Variants in MICU2 observed in about 807,000 individuals in gnomAD.
The protein encoded by MICU2 is calcium uptake protein 2, mitochondrial.
Under a neutral mutation model 60.4 loss-of-function variants are expected in MICU2, and 64 were observed. That is an observed-to-expected ratio of 1.06 (90% confidence interval 0.87 to 1.31). MICU2 has a LOEUF of 1.31. Among genes scored for constraint, MICU2 ranks in the 50% most tolerant of loss-of-function variants. The pLI, the probability that MICU2 is intolerant of heterozygous loss-of-function variation, is 0.00. For synonymous variants in MICU2, 201 were observed against 175.0 expected (o/e 1.15, Z -1.17); for missense variants, 569 against 531.0 (o/e 1.07, Z -0.70).
At chr13:21,551,027 C>G (rs1325053545) in intron 2 of MICU2, among the ~76,000 whole-genome samples, 1 of 152,214 alleles carries the variant, frequency 6.6e-6, no homozygotes, top group Non-Finnish European at 1.5e-5. Context: ...GCCCTACAAT[C>G]TTTTGAATCT....
intron 2 of MICU2, among the ~76,000 whole-genome samples, chr13:21,540,200 T>G (rs1256264881): frequency 6.6e-6 from 1 of 152,182 alleles, no homozygotes; most frequent in African/African-American, 2.4e-5. Flanking sequence ...AATTTCCTAC[T>G]GGATAACAGA....
chr13:21,516,309 G>A (rs1365596623), intron 6 of MICU2, among the ~76,000 whole-genome samples: 1 of 152,012 alleles, frequency 6.6e-6, no homozygotes, highest in African/African-American at 2.4e-5. Context: ...TCAAATAAAT[G>A]AAATTAACTA....
intron 1 of MICU2, among the ~76,000 whole-genome samples, chr13:21,589,595 A>C (rs1229940875): frequency 6.6e-6 from 1 of 152,160 alleles, no homozygotes; most frequent in Non-Finnish European, 1.5e-5. Context: ...TTTTAAACTT[A>C]ACTTCCTCAT....
At chr13:21,575,644 C>T (rs1161545621) in intron 1 of MICU2, among the ~76,000 whole-genome samples, 3 of 140,028 alleles carry the variant, frequency 2.1e-5, no homozygotes, top group African/African-American at 7.9e-5. Flanking sequence ...GTGGGAGGAT[C>T]GCTTGAGCCT....
At chr13:21,505,230 C>T (rs370223289) in intron 8 of MICU2, among the ~76,000 whole-genome samples, 41 of 151,976 alleles carry the variant, frequency 2.7e-4, no homozygotes, top group African/African-American at 8.7e-4. Context: ...TAAGGCTAAT[C>T]ATGGAGTTTA....
chr13:21,569,164 T>C (rs1460010378), intron 1 of MICU2, among the ~76,000 whole-genome samples: 1 of 152,196 alleles, frequency 6.6e-6, no homozygotes, highest in South Asian at 2.1e-4. Context: ...AGGTCACTTA[T>C]AGAAAAATGA....
In MICU2 at chr13:21,564,540, G is replaced by A. The variant is rs539917180; in HGVS notation, c.358+2257C>T. 9.9e-5 allele frequency among the ~76,000 whole-genome samples: 15 copies of A among 152,206 alleles called. 1 individual carries two copies. The highest frequency in any genetic ancestry group is 3.1e-4 in the African/African-American group (13 of 41,540). On this transcript the variant is annotated intron_variant, in intron 2 of 11. Coordinates refer to ENST00000382374, the MANE Select transcript of MICU2 (RefSeq NM_152726.3). ...ATGATCAGCTGTCAGTCTTTCAGTC[G>A]GACTGTGTGACTGTGAAGGGATGTA...
At chr13:21,560,789 A>G (rs1804031107) in intron 2 of MICU2, among the ~76,000 whole-genome samples, 1 of 152,196 alleles carries the variant, frequency 6.6e-6, no homozygotes, top group African/African-American at 2.4e-5. Flanking sequence ...ATTTCTGTAA[A>G]AATTTTCAAT....
At position 21,500,057 on chromosome 13, in the gene MICU2, G is replaced by A. The variant is rs1008297882; in HGVS notation, c.933+2869C>T. 1.2e-4 allele frequency among the ~76,000 whole-genome samples: 18 copies of A among 152,252 alleles called. No homozygotes were observed. The East Asian group carries it at 1.7e-3, about 15-fold the overall frequency. ...AAAGCTCAGGAAGGCTTGTTTACTT[G>A]CCCATTACAAAACATTCAGATCACT... On this transcript the variant is annotated intron_variant, in intron 9 of 11. Coordinates refer to ENST00000382374, the MANE Select transcript of MICU2 (RefSeq NM_152726.3).
chr13:21,498,871 T>C (rs1259598733), intron 9 of MICU2, among the ~76,000 whole-genome samples: 3 of 152,182 alleles, frequency 2.0e-5, no homozygotes, highest in Non-Finnish European at 4.4e-5. Context: ...TGGCTGCTTC[T>C]ATCATGACCT....
At chr13:21,551,040 G>T (rs1887548762) in intron 2 of MICU2, among the ~76,000 whole-genome samples, 1 of 152,070 alleles carries the variant, frequency 6.6e-6, no homozygotes, top group African/African-American at 2.4e-5. Context: ...TTGAATCTAC[G>T]ACATTTTCAC....
chr13:21,586,258 G>A (rs534614488), intron 1 of MICU2, among the ~76,000 whole-genome samples: 14 of 152,116 alleles, frequency 9.2e-5, no homozygotes, highest in South Asian at 4.1e-4. Context: ...TTCACTATCC[G>A]TTTTTTTCTT....
At chr13:21,524,428 A>G (rs986592047) in intron 4 of MICU2, among the ~76,000 whole-genome samples, 7 of 151,944 alleles carry the variant, frequency 4.6e-5, no homozygotes, top group South Asian at 4.1e-4. Context: ...TCTAAAAAAA[A>G]CCTCCCTGCC....
At chr13:21,520,776 A>G (rs1366251885) in intron 6 of MICU2, among the ~76,000 whole-genome samples, 1 of 152,014 alleles carries the variant, frequency 6.6e-6, no homozygotes, top group Non-Finnish European at 1.5e-5. Flanking sequence ...AGCTCTTCAA[A>G]TATTAGCCTT....
intron 8 of MICU2, among the ~76,000 whole-genome samples, chr13:21,509,706 GAAC>G (rs1461249967): frequency 6.6e-6 from 1 of 152,182 alleles, no homozygotes; most frequent in Non-Finnish European, 1.5e-5. Context: ...TTCGCCTAAA[GAAC>G]AACTGACGCT....
chr13:21,495,811 G>GT (rs1200055715), intron 10 of MICU2: 4 of 356,394 alleles, frequency 1.1e-5, no homozygotes, highest in African/African-American at 8.6e-5. Flanking sequence ...TGGGATTACA[G>GT]GCATGAGCCA....
At chr13:21,548,384 T>C (rs1887464466) in intron 2 of MICU2, among the ~76,000 whole-genome samples, 1 of 152,246 alleles carries the variant, frequency 6.6e-6, no homozygotes, top group African/African-American at 2.4e-5. Flanking sequence ...ATCTAAAATA[T>C]GTAGCTGCTA....
chr13:21,503,797 C>A (rs963156326), intron 8 of MICU2, among the ~76,000 whole-genome samples: 1 of 152,158 alleles, frequency 6.6e-6, no homozygotes, highest in African/African-American at 2.4e-5. Flanking sequence ...TAACCTAAAT[C>A]ATGTGAAAAG....
chr13:21,508,262 T>A (rs370772992), intron 8 of MICU2, among the ~76,000 whole-genome samples: 10 of 151,540 alleles, frequency 6.6e-5, no homozygotes, highest in African/African-American at 2.2e-4. Flanking sequence ...AGTAGCAGGG[T>A]CTACAGGTGC....
Sources: gnomAD v4.1 joint callset for allele counts (sites outside exome capture counted in the v4.1 genomes callset) on GRCh38, gnomAD v4.1.1 for gene constraint, MANE v1.5 for transcripts, NCBI Gene and HGNC (gene_info 2026-07-23, HGNC 2026-07-21) for gene names.